PCDH15: variants seen among roughly 807,000 people sequenced by gnomAD.
The protein encoded by PCDH15 is protocadherin related 15.
In PCDH15, 129 loss-of-function variants were observed where a neutral mutation model predicts 178.5. The observed-to-expected ratio is 0.72, with a 90% CI of 0.63 to 0.84. The LOEUF (loss-of-function observed/expected upper bound fraction) is 0.84, where lower values mean the gene tolerates loss of function less well. Among genes scored for constraint, PCDH15 ranks in the 40% least tolerant of loss-of-function variants. The pLI is 0.00. For missense variants in PCDH15, 2,230 were observed against 2,099.9 expected (o/e 1.06, Z -1.21); for synonymous variants, 800 against 732.0 (o/e 1.09, Z -1.50).
At chr10:54,728,762 A>T (rs1942935322) in intron 1 of PCDH15, among the ~76,000 whole-genome samples, 1 of 151,620 alleles carries the variant, frequency 6.6e-6, no homozygotes, top group Non-Finnish European at 1.5e-5. Context: ...CAAAAATTGT[A>T]GCATTTCTAT....
intron 8 of PCDH15, among the ~76,000 whole-genome samples, chr10:54,267,183 G>T (rs2891511): frequency 0.68 from 103,169 of 151,388 alleles, 35,990 homozygotes; most frequent in Middle Eastern, 0.75. Flanking sequence ...AAAAAAATAA[G>T]ATTATCTCAA....
intron 2 of PCDH15, among the ~76,000 whole-genome samples, chr10:54,598,585 T>C (rs1328521018): frequency 6.6e-6 from 1 of 151,968 alleles, no homozygotes; most frequent in Non-Finnish European, 1.5e-5. Context: ...TTTCTCCACT[T>C]GCTATTTCTA....
intron 2 of PCDH15, among the ~76,000 whole-genome samples, chr10:55,548,570 C>G (rs1458201769): frequency 6.6e-6 from 1 of 152,110 alleles, no homozygotes; most frequent in African/African-American, 2.4e-5. Context: ...GGAGGCAGTT[C>G]TTGTGGTCAT....
At chr10:54,138,659 G>T (rs926624660) in intron 14 of PCDH15, among the ~76,000 whole-genome samples, 1 of 152,108 alleles carries the variant, frequency 6.6e-6, no homozygotes, top group Non-Finnish European at 1.5e-5. Flanking sequence ...ATGCTGTTTG[G>T]TTCCAGTGTT....
At chr10:54,558,045 A>G (rs2087542053) in intron 2 of PCDH15, among the ~76,000 whole-genome samples, 1 of 152,108 alleles carries the variant, frequency 6.6e-6, no homozygotes, top group Non-Finnish European at 1.5e-5. Flanking sequence ...ACAAACAAAC[A>G]AACATAAAAA....
At chr10:55,215,871 T>G (rs1160953410) in intron 1 of PCDH15, among the ~76,000 whole-genome samples, 1 of 152,010 alleles carries the variant, frequency 6.6e-6, no homozygotes, top group Non-Finnish European at 1.5e-5. Flanking sequence ...ATCCAGGATT[T>G]CTGAAGTTAC....
At chr10:55,312,427 C>T (rs1332601725) in intron 1 of PCDH15, among the ~76,000 whole-genome samples, 1 of 152,042 alleles carries the variant, frequency 6.6e-6, no homozygotes, top group Non-Finnish European at 1.5e-5. Context: ...TTAGTATGAA[C>T]ATAATGAGAC....
At chr10:55,414,938 C>A (rs1222927197) in intron 2 of PCDH15, among the ~76,000 whole-genome samples, 4 of 151,400 alleles carry the variant, frequency 2.6e-5, no homozygotes, top group African/African-American at 9.7e-5. Context: ...TCTAATTGTT[C>A]TTGCTAGTAT....
intron 3 of PCDH15, among the ~76,000 whole-genome samples, chr10:54,397,781 A>G: frequency 6.6e-6 from 1 of 151,996 alleles, no homozygotes; most frequent in East Asian, 1.9e-4. Flanking sequence ...AAATTCTTAC[A>G]TATTAGCCAA....
chr10:54,626,634 G>C (rs1316066591), intron 2 of PCDH15, among the ~76,000 whole-genome samples: 4 of 152,184 alleles, frequency 2.6e-5, no homozygotes, highest in African/African-American at 9.7e-5. Context: ...GGATGTCCAG[G>C]CAGAAGTTTG....
chr10:54,349,183 C>T (rs1057454371), intron 5 of PCDH15, among the ~76,000 whole-genome samples: 3 of 152,046 alleles, frequency 2.0e-5, no homozygotes, highest in African/African-American at 4.8e-5. Context: ...AGGGGGTGCC[C>T]ATGCCTTTCA....
At chr10:55,499,616 A>G (rs2132137632) in intron 2 of PCDH15, among the ~76,000 whole-genome samples, 1 of 151,910 alleles carries the variant, frequency 6.6e-6, no homozygotes, top group South Asian at 2.1e-4. Flanking sequence ...CAGCTAAAAT[A>G]GATGAAAGGT....
chr10:55,277,176 A>G (rs776798011), intron 1 of PCDH15, among the ~76,000 whole-genome samples: 3 of 151,984 alleles, frequency 2.0e-5, no homozygotes, highest in Non-Finnish European at 2.9e-5. Flanking sequence ...ATTACTTGAT[A>G]TTTTACAGTT....
At chr10:55,081,594 G>T (rs1435375829) in intron 2 of PCDH15, among the ~76,000 whole-genome samples, 1 of 152,154 alleles carries the variant, frequency 6.6e-6, no homozygotes, top group African/African-American at 2.4e-5. Context: ...GCCCTCATGA[G>T]TGTTATTAGT....
At chr10:54,558,451 T>C (rs2087606159) in intron 2 of PCDH15, among the ~76,000 whole-genome samples, 1 of 152,100 alleles carries the variant, frequency 6.6e-6, no homozygotes, top group Non-Finnish European at 1.5e-5. Context: ...CTTAAATTAC[T>C]ATATCATAAA....
At chr10:54,288,235 A>G (rs1008029889) in intron 8 of PCDH15, among the ~76,000 whole-genome samples, 3 of 152,046 alleles carry the variant, frequency 2.0e-5, no homozygotes, top group African/African-American at 4.8e-5. Flanking sequence ...CAGGAGAATC[A>G]TTTGAACCCA....
chr10:54,831,196 T>C (rs970200362), intron 3 of PCDH15, among the ~76,000 whole-genome samples: 8 of 152,114 alleles, frequency 5.3e-5, no homozygotes, highest in Non-Finnish European at 7.4e-5. Flanking sequence ...ATAATTTTTT[T>C]ATTCCTGATC....
chr10:55,205,011 ATTTG>A (rs1302670294), intron 1 of PCDH15, among the ~76,000 whole-genome samples: 1 of 152,042 alleles, frequency 6.6e-6, no homozygotes, highest in African/African-American at 2.4e-5. Context: ...TTTTGTAAAT[ATTTG>A]TTTGTTCTCT....
In PCDH15 at chr10:54,594,727, T is replaced by C. The variant is rs142225164; in HGVS notation, c.92-66850A>G. Among the ~76,000 whole-genome samples the C allele has an allele frequency of 3.2e-3, 486 of 152,266 alleles. 4 individuals are homozygous for C. The highest frequency in any genetic ancestry group is 0.011 in the African/African-American group (463 of 41,550). On this transcript the variant is annotated intron_variant, in intron 2 of 37. Coordinates refer to ENST00000644397, the MANE Select transcript of PCDH15 (RefSeq NM_001384140.1). The stretch of plus-strand genomic sequence containing the variant: ...CTCTGACAGTGCATGTGTACACATG[T>C]ACCATGCCATGCCATGCCACTATTG...
Sources: gnomAD v4.1 joint callset for allele counts (sites outside exome capture counted in the v4.1 genomes callset) on GRCh38, gnomAD v4.1.1 for gene constraint, MANE v1.5 for transcripts, NCBI Gene and HGNC (gene_info 2026-07-23, HGNC 2026-07-21) for gene names.